The following RAB5A variants were observed in gnomAD, a reference collection of about 807,000 sequenced individuals.
RAB5A encodes the protein ras-related protein Rab-5A.
In RAB5A, 8 loss-of-function variants were observed where a neutral mutation model predicts 25.7. The ratio of observed to expected loss-of-function variants is 0.31; its 90% CI spans 0.18 to 0.56. RAB5A has a LOEUF of 0.56. RAB5A is among the 20% of genes least tolerant of loss of function. The pLI, the probability that RAB5A is intolerant of heterozygous loss-of-function variation, is 0.91. For synonymous variants in RAB5A, 98 were observed against 89.8 expected, an observed-to-expected ratio of 1.09 and a Z score of -0.52; for missense variants, 192 against 259.7, an observed-to-expected ratio of 0.74 and a Z score of 1.79.
rs61250458 is a variant in RAB5A at position 19,951,701 on chromosome 3, G to GTTTTTTTT, written c.163+651_163+658dup. Among the ~76,000 whole-genome samples, 38 of 98,998 alleles carry GTTTTTTTT rather than the reference G, an allele frequency of 3.8e-4. 7 individuals carry two copies. Among genetic ancestry groups the GTTTTTTTT allele is most frequent in the African/African-American group, 4.9e-4 (12 of 24,390 alleles). 64.9% of individuals were successfully genotyped at this position (98,998 alleles called of 152,430 possible). On this transcript the variant is annotated intron_variant, in intron 2 of 5. Coordinates refer to ENST00000273047, the MANE Select transcript of RAB5A (RefSeq NM_004162.5). Reference sequence around the variant, plus strand: ...GGGTGCATGCCACCATGCCAGGCAAGTTTTTTTTTTTTTTTTTTAAGAGTC... The same window carrying GTTTTTTTT: ...GGGTGCATGCCACCATGCCAGGCAAGTTTTTTTTTTTTTTTTTTTTTTTTTTAAGAGTC...
intron 2 of RAB5A, among the ~76,000 whole-genome samples, chr3:19,958,377 T>G (rs1445383460): frequency 6.6e-6 from 1 of 152,204 alleles, no homozygotes; most frequent in African/African-American, 2.4e-5. Flanking sequence ...AATCTTTCGG[T>G]AGTCTTAATT....
intron 2 of RAB5A, among the ~76,000 whole-genome samples, chr3:19,972,932 C>T (rs1032864449): frequency 5.9e-5 from 9 of 152,138 alleles, no homozygotes; most frequent in East Asian, 1.9e-4. Flanking sequence ...TTTATAAATG[C>T]AACCAACTGC....
chr3:19,974,676 T>G (rs1237354547), intron 2 of RAB5A, among the ~76,000 whole-genome samples: 1 of 146,444 alleles, frequency 6.8e-6, no homozygotes, highest in Non-Finnish European at 1.5e-5. Flanking sequence ...TCTCAGCACT[T>G]TTGGGAGGCA....
intron 5 of RAB5A, among the ~76,000 whole-genome samples, chr3:19,980,612 T>A (rs1352566665): frequency 1.3e-5 from 2 of 152,192 alleles, no homozygotes; most frequent in Non-Finnish European, 2.9e-5. Context: ...ATTTAAACAC[T>A]TAGGGAACAT....
intron 5 of RAB5A, among the ~76,000 whole-genome samples, chr3:19,980,614 A>G (rs567883301): frequency 4.3e-4 from 65 of 152,142 alleles, no homozygotes; most frequent in Middle Eastern, 3.2e-3. Context: ...TTAAACACTT[A>G]GGGAACATGC....
At chr3:19,969,030 G>GTT (rs202101955) in intron 2 of RAB5A, among the ~76,000 whole-genome samples, 16,960 of 111,604 alleles carry the variant, frequency 0.15, 1,235 homozygotes, top group Middle Eastern at 0.22. Flanking sequence ...TTTTGGTTTT[G>GTT]GTTTTTTTTT....
At chr3:19,962,334 C>T (rs576676689) in intron 2 of RAB5A, among the ~76,000 whole-genome samples, 2 of 152,250 alleles carry the variant, frequency 1.3e-5, no homozygotes, top group South Asian at 2.1e-4. Flanking sequence ...CTTTGGGAGA[C>T]TGAGGTGGGC....
intron 2 of RAB5A, chr3:19,970,461 A>T (rs1696733653): frequency 4.7e-6 from 2 of 427,602 alleles, no homozygotes; most frequent in Non-Finnish European, 9.4e-6. Context: ...GGAGCTGATC[A>T]CGTAGCTCAG....
At chr3:19,959,846 A>G (rs1238936221) in intron 2 of RAB5A, among the ~76,000 whole-genome samples, 1 of 151,998 alleles carries the variant, frequency 6.6e-6, no homozygotes, top group Non-Finnish European at 1.5e-5. Flanking sequence ...AGCAGGTCTT[A>G]AAACTCCTGA....
intron 2 of RAB5A, among the ~76,000 whole-genome samples, chr3:19,951,836 A>G (rs1696429401): frequency 6.6e-6 from 1 of 151,408 alleles, no homozygotes; most frequent in African/African-American, 2.4e-5. Flanking sequence ...TGAGATGCAT[A>G]TGTAAGAATG....
rs371692568 is a variant in RAB5A, at chr3:19,962,663, T to C, written c.163+11602T>C. Among the ~76,000 whole-genome samples the C allele has an allele frequency of 3.1e-4, 47 of 152,352 alleles. 1 individual carries two copies. In the South Asian group the frequency reaches 9.7e-3, roughly 32 times the overall value. ...TAACAGTATTCCCTTGCATGGGTCA[T>C]ATTAGTAATATCAGTTCTCTAGTTT... On this transcript the variant is annotated intron_variant, in intron 2 of 5. Coordinates refer to ENST00000273047, the MANE Select transcript of RAB5A (RefSeq NM_004162.5).
chr3:19,951,273 T>C (rs543159268), intron 2 of RAB5A: 2 of 472,716 alleles, frequency 4.2e-6, no homozygotes, highest in Admixed American at 7.4e-5. Flanking sequence ...CTTGTGGTTA[T>C]ATTGTAGCTA....
intron 2 of RAB5A, among the ~76,000 whole-genome samples, chr3:19,964,262 T>C (rs953671074): frequency 4.6e-5 from 7 of 152,252 alleles, no homozygotes; most frequent in Admixed American, 1.3e-4. Context: ...CCTATAGATA[T>C]CTATATATCT....
At chr3:19,967,165 G>A (rs796408121) in intron 2 of RAB5A, among the ~76,000 whole-genome samples, 12 of 145,004 alleles carry the variant, frequency 8.3e-5, no homozygotes, top group African/African-American at 3.1e-4. Context: ...TTTTTTTTGA[G>A]ATGGAGTTTC....
At chr3:19,980,485 G>C (rs2125132818) in intron 5 of RAB5A, among the ~76,000 whole-genome samples, 1 of 145,840 alleles carries the variant, frequency 6.9e-6, no homozygotes, top group East Asian at 2.0e-4. Context: ...GGAACACTTT[G>C]ATAGATTAGT....
At chr3:19,983,677 ATATTC>A in intron 5 of RAB5A, 26 bp from the exon 6 acceptor site, 1 of 1,427,146 alleles carries the variant, frequency 7.0e-7, no homozygotes, top group African/African-American at 1.4e-5. Context: ...GAGTATTCAA[ATATTC>A]TATTTATTTG....
At chr3:19,952,287 A>G (rs1169563469) in intron 2 of RAB5A, among the ~76,000 whole-genome samples, 1 of 152,226 alleles carries the variant, frequency 6.6e-6, no homozygotes, top group African/African-American at 2.4e-5. Context: ...TTTCAATTAG[A>G]TGATGTGTGG....
At chr3:19,975,926 A>G (rs1696818213) in intron 3 of RAB5A, 121 bp from the exon 4 acceptor site, 8 of 1,388,754 alleles carry the variant, frequency 5.8e-6, no homozygotes, top group South Asian at 1.5e-5. Flanking sequence ...TCATAATACA[A>G]TAGTCCTAAT....
At chr3:19,949,764 G>T (rs1342259678) in intron 1 of RAB5A, among the ~76,000 whole-genome samples, 1 of 152,182 alleles carries the variant, frequency 6.6e-6, no homozygotes, top group Non-Finnish European at 1.5e-5. Flanking sequence ...TGGCCTGCAG[G>T]CTGGGCGTGG....
Sources: allele counts gnomAD v4.1 joint callset (sites outside exome capture counted in the v4.1 genomes callset), GRCh38; gene constraint gnomAD v4.1.1; transcripts MANE v1.5; gene names NCBI Gene and HGNC (gene_info 2026-07-23, HGNC 2026-07-21).